Variants in PXYLP1 observed in about 807,000 individuals in gnomAD.
PXYLP1 encodes acid phosphatase-like 2.
PXYLP1 carries 17 observed loss-of-function variants against 37.9 expected under a neutral mutation model. That is an observed-to-expected ratio of 0.45 (90% CI 0.31 to 0.67). The LOEUF (loss-of-function observed/expected upper bound fraction) is 0.67. Among genes scored for constraint, PXYLP1 ranks in the 30% least tolerant of loss-of-function variants. The pLI is 0.07. For missense variants in PXYLP1, 511 were observed against 612.0 expected, an observed-to-expected ratio of 0.84 and a Z score of 1.74; for synonymous variants, 221 against 232.2, an observed-to-expected ratio of 0.95 and a Z score of 0.44.
rs1280838040 is a variant in PXYLP1, at chr3:141,233,267, A to G, written c.-54+1356A>G. On this transcript the variant is annotated intron_variant, in intron 1 of 5. Coordinates refer to ENST00000286353, the MANE Select transcript of PXYLP1 (RefSeq NM_001037172.3). ...CGGATCACCAGAGGTCGGGAGTTCG[A>G]GACTAGCCTGACCAACATAAAAACC... 2.0e-5 allele frequency among the ~76,000 whole-genome samples: 3 copies of G among 152,184 alleles called. No individual in the cohort carries two copies. In the East Asian group the frequency reaches 5.8e-4, roughly 29 times the overall value.
intron 4 of PXYLP1, 107 bp from the exon 5 acceptor site, chr3:141,287,206 TG>T: frequency 8.6e-7 from 1 of 1,156,596 alleles, no homozygotes. Context: ...CCTGTTACTG[TG>T]GGTGCAAAAG....
intron 2 of PXYLP1, among the ~76,000 whole-genome samples, chr3:141,272,094 T>TATC (rs1941677466): frequency 6.6e-6 from 1 of 152,190 alleles, no homozygotes; most frequent in Non-Finnish European, 1.5e-5. Context: ...TCCTTGGCCC[T>TATC]ATCCCAGGGC....
chr3:141,270,599 T>C (rs1941638079), intron 2 of PXYLP1, among the ~76,000 whole-genome samples: 2 of 152,186 alleles, frequency 1.3e-5, no homozygotes, highest in South Asian at 4.1e-4. Context: ...AAGAACCTTT[T>C]GGTTTATTTG....
chr3:141,235,770 C>T (rs1024593833), intron 1 of PXYLP1, among the ~76,000 whole-genome samples: 2 of 152,188 alleles, frequency 1.3e-5, no homozygotes, highest in Non-Finnish European at 2.9e-5. Flanking sequence ...AGGAGGCACC[C>T]GTGAACCCAG....
At chr3:141,278,192 A>G in intron 2 of PXYLP1, 150 bp from the exon 3 acceptor site, 1 of 855,064 alleles carries the variant, frequency 1.2e-6, no homozygotes, top group Non-Finnish European at 1.8e-6. Context: ...CCCTTCTTGA[A>G]TGGGAAGCTG....
At chr3:141,254,159 C>T (rs942255354) in intron 1 of PXYLP1, among the ~76,000 whole-genome samples, 17 of 152,224 alleles carry the variant, frequency 1.1e-4, no homozygotes, top group East Asian at 7.7e-4. Context: ...GTGATCTGCC[C>T]GCCACGGCCT....
intron 1 of PXYLP1, among the ~76,000 whole-genome samples, chr3:141,244,628 T>C (rs1189813443): frequency 6.7e-6 from 1 of 150,020 alleles, no homozygotes; most frequent in Non-Finnish European, 1.5e-5. Context: ...CTTTTGTTTT[T>C]AACTTGGCGA....
chr3:141,242,778 T>A (rs1209597286), intron 1 of PXYLP1, among the ~76,000 whole-genome samples: 9 of 152,238 alleles, frequency 5.9e-5, no homozygotes, highest in Non-Finnish European at 1.0e-4. Flanking sequence ...GACTGTCTTA[T>A]GTTTTCCAGG....
intron 1 of PXYLP1, among the ~76,000 whole-genome samples, chr3:141,245,830 A>G (rs1471464285): frequency 6.6e-6 from 1 of 152,222 alleles, no homozygotes; most frequent in African/African-American, 2.4e-5. Flanking sequence ...ACTCTGTGTT[A>G]TATGTTAAGC....
chr3:141,249,670 G>A (rs567826064), intron 1 of PXYLP1, among the ~76,000 whole-genome samples: 4 of 152,110 alleles, frequency 2.6e-5, no homozygotes, highest in East Asian at 3.9e-4. Context: ...GTGGCTTTGC[G>A]GTGAGTAAAT....
chr3:141,293,202 C>G lies in PXYLP1; in HGVS notation c.1440C>G (p.Phe480Leu), dbSNP rs1436913232. The stretch of plus-strand genomic sequence containing the variant: ...ATGATGCATGTCACAGGGAAGGATT[C>G]TAAAAGGTATGCAGTACAGCAGTAT... Reference protein sequence around the residue: ...NYYDACHREGF With the variant: ...NYYDACHREGL The change falls in exon 6 of 6, where the codon TTC (phenylalanine) becomes TTG (leucine). Residue 480 changes from phenylalanine (F) to leucine (L), a missense_variant. Physicochemically the swap from Phe to Leu is conservative, Grantham distance 22. Transcript: ENST00000286353. 2 of 1,612,038 alleles carry G rather than the reference C, an allele frequency of 1.2e-6. No individual in the cohort carries two copies. Among genetic ancestry groups the G allele is most frequent in the African/African-American group, 2.7e-5 (2 of 74,906 alleles).
In PXYLP1 at chr3:141,292,929, G is replaced by A. The variant is rs1276076819; in HGVS notation, c.1167G>A (p.Leu389=). ...DVTLSPVLSA[L]GLSEARFPRF... ...CTCTGTCACCAGTTCTCAGTGCCTT[G>A]GGCCTTTCAGAAGCCAGGTTCCCAA... The change falls in exon 6 of 6, where the codon TTG becomes TTA. Residue 389 remains leucine, a synonymous_variant. Coordinates refer to ENST00000286353, the MANE Select transcript of PXYLP1 (RefSeq NM_001037172.3). This position sits in a 1 kb window ranked among gnomAD's most constrained non-coding sequence, Gnocchi z 4.3. 7.4e-6 allele frequency: 12 copies of A among 1,614,120 alleles called. No homozygotes were observed. In the Middle Eastern group the frequency reaches 4.9e-4, roughly 67 times the overall value.
intron 2 of PXYLP1, 112 bp downstream of exon 2, chr3:141,260,366 C>T: frequency 2.4e-6 from 3 of 1,269,322 alleles, no homozygotes; most frequent in Non-Finnish European, 3.2e-6. Context: ...ACAACGAAGT[C>T]TTTTTATTGT....
intron 5 of PXYLP1, 34 bp downstream of exon 5, chr3:141,287,487 C>T: frequency 2.5e-6 from 4 of 1,602,288 alleles, no homozygotes; most frequent in Non-Finnish European, 3.4e-6. Context: ...AGGGGTTCCC[C>T]CACCCGCTCT....
At chr3:141,248,610 CGT>C (rs1491359660) in intron 1 of PXYLP1, among the ~76,000 whole-genome samples, 3 of 112,426 alleles carry the variant, frequency 2.7e-5, no homozygotes, top group Non-Finnish European at 5.4e-5. Context: ...TATATACACA[CGT>C]ATATATACAC....
chr3:141,271,409 A>G (rs1250298853), intron 2 of PXYLP1, among the ~76,000 whole-genome samples: 1 of 152,218 alleles, frequency 6.6e-6, no homozygotes, highest in Non-Finnish European at 1.5e-5. Context: ...TGACTAGCCC[A>G]GTGTTGAAGT....
intron 1 of PXYLP1, among the ~76,000 whole-genome samples, chr3:141,245,452 C>T (rs148247617): frequency 6.6e-6 from 1 of 152,300 alleles, no homozygotes; most frequent in African/African-American, 2.4e-5. Flanking sequence ...AGAATCGTGC[C>T]ATGCCTTGTT....
chr3:141,278,655 C>T (rs905955159), intron 3 of PXYLP1, among the ~76,000 whole-genome samples, 155 bp downstream of exon 3: 1 of 152,216 alleles, frequency 6.6e-6, no homozygotes, highest in African/African-American at 2.4e-5. Flanking sequence ...CTTGCATTCT[C>T]CTCTATAAAA....
At chr3:141,276,966 A>C (rs1448098864) in intron 2 of PXYLP1, among the ~76,000 whole-genome samples, 1 of 152,182 alleles carries the variant, frequency 6.6e-6, no homozygotes, top group Non-Finnish European at 1.5e-5. Flanking sequence ...GAACAAACTT[A>C]AGCATCTCTT....
Sources: allele counts gnomAD v4.1 joint callset (sites outside exome capture counted in the v4.1 genomes callset), GRCh38; gene constraint gnomAD v4.1.1; non-coding constraint Gnocchi (gnomAD v3.1); transcripts MANE v1.5; gene names NCBI Gene and HGNC (gene_info 2026-07-23, HGNC 2026-07-21).